VCL: variants seen among roughly 807,000 people sequenced by gnomAD.
VCL encodes the protein epididymis luminal protein 114.
In VCL, 47 loss-of-function variants were observed where a neutral mutation model predicts 125.7. The observed-to-expected ratio is 0.37, with a 90% CI of 0.30 to 0.48. VCL has a LOEUF of 0.48. Among genes scored for constraint, VCL ranks in the 20% least tolerant of loss-of-function variants. The pLI, the probability that VCL is intolerant of heterozygous loss-of-function variation, is 0.99. For missense variants in VCL, 1,069 were observed against 1,455.5 expected (o/e 0.73, Z 4.32); for synonymous variants, 458 against 514.6 (o/e 0.89, Z 1.49).
chr10:74,062,304 A>G (rs974358463), intron 2 of VCL, among the ~76,000 whole-genome samples: 2 of 150,582 alleles, frequency 1.3e-5, no homozygotes, highest in Non-Finnish European at 2.9e-5. Context: ...AGCTCAAGAG[A>G]TCCTCCTGCC....
Position 74,103,803 on chromosome 10 carries a change from T to C in VCL, c.2023-17T>C. ...GCAAGGGTGCTCTGGTGTTTAAAGG[T>C]GTTTTGTCATTGTCAGGTGGTCTCG... On this transcript the variant is annotated splice_polypyrimidine_tract_variant and intron_variant, in intron 14 of 21. Transcript: ENST00000211998. 6.2e-7 allele frequency: 1 copy of C among 1,611,676 alleles called. No homozygotes were observed. Among genetic ancestry groups the C allele is most frequent in the East Asian group, 2.2e-5 (1 of 44,862 alleles).
intron 14 of VCL, 57 bp downstream of exon 14, chr10:74,101,154 A>G: frequency 6.3e-7 from 1 of 1,581,374 alleles, no homozygotes; most frequent in Non-Finnish European, 8.6e-7. Flanking sequence ...ATTACAGAAC[A>G]GTTTCTATAC....
chr10:74,024,838 G>A (rs1840742820), intron 1 of VCL, among the ~76,000 whole-genome samples: 1 of 152,142 alleles, frequency 6.6e-6, no homozygotes, highest in Non-Finnish European at 1.5e-5. Flanking sequence ...CCAGCTTCTG[G>A]GAAGAACCAG....
Position 74,090,149 on chromosome 10 carries a change from C to T in VCL, c.1303C>T (p.Leu435Phe), listed in dbSNP as rs1839856184. The T allele has an allele frequency of 1.2e-6, 2 of 1,614,198 alleles. No homozygotes were observed. Among genetic ancestry groups the T allele is most frequent in the Non-Finnish European group, 1.7e-6 (2 of 1,180,028 alleles). ...AGAAAGAGATGACATTCTACGTTCC[C>T]TTGGGGAAATATCTGCTCTGACTTC... ...PKERDDILRS[L>F]GEISALTSKL... The change falls in exon 10 of 22, where the codon CTT (leucine) becomes TTT (phenylalanine). Residue 435 changes from leucine to phenylalanine, a missense_variant. Transcript: ENST00000211998.
intron 1 of VCL, among the ~76,000 whole-genome samples, chr10:74,020,799 C>T (rs1250045441): frequency 7.4e-6 from 1 of 135,222 alleles, no homozygotes; most frequent in South Asian, 2.3e-4. Context: ...CATGATCGCC[C>T]CACTGCATTC....
chr10:74,045,173 A>T (rs1841174614), intron 2 of VCL, among the ~76,000 whole-genome samples: 1 of 152,126 alleles, frequency 6.6e-6, no homozygotes, highest in Non-Finnish European at 1.5e-5. Context: ...CCTGTATCTA[A>T]AAATAAATAA....
At chr10:74,012,640 G>A (rs186195271) in intron 1 of VCL, among the ~76,000 whole-genome samples, 17 of 152,286 alleles carry the variant, frequency 1.1e-4, no homozygotes, top group African/African-American at 3.9e-4. Flanking sequence ...GCAGCAGATC[G>A]AGACTGGTAT....
intron 21 of VCL, among the ~76,000 whole-genome samples, chr10:74,115,681 A>C (rs545203364): frequency 6.6e-6 from 1 of 152,342 alleles, no homozygotes; most frequent in East Asian, 1.9e-4. Flanking sequence ...GGGAGGATGA[A>C]TAGTGCAGGC....
intron 10 of VCL, among the ~76,000 whole-genome samples, chr10:74,091,631 A>G (rs1839886455): frequency 6.6e-6 from 1 of 151,750 alleles, no homozygotes; most frequent in Non-Finnish European, 1.5e-5. Context: ...TCTACTAAAA[A>G]AAATACAAAA....
At chr10:74,052,629 G>A (rs913859162) in intron 2 of VCL, among the ~76,000 whole-genome samples, 3 of 152,030 alleles carry the variant, frequency 2.0e-5, no homozygotes, top group Non-Finnish European at 4.4e-5. Flanking sequence ...TGCTCACCTT[G>A]GCCTACCAAA....
In VCL at chr10:74,109,175, C is replaced by T. The variant is rs537705277; in HGVS notation, c.2745+19C>T. 1.2e-6 allele frequency: 2 copies of T among 1,613,872 alleles called. No homozygotes were observed. Among genetic ancestry groups the T allele is most frequent in the East Asian group, 4.5e-5 (2 of 44,874 alleles). ...CAGCAAGGTAAGTAGTGAAGCTTTT[C>T]TTGTTGAGAAAGGATGTCTTCTCGG... On this transcript the variant is annotated intron_variant, in intron 18 of 21. Coordinates refer to ENST00000211998, the MANE Select transcript of VCL (RefSeq NM_014000.3).
chr10:74,090,070 T>G lies in VCL; in HGVS notation c.1224T>G (p.Ile408Met). 6.2e-7 allele frequency: 1 copy of G among 1,614,168 alleles called. No individual in the cohort carries two copies. The highest frequency in any genetic ancestry group is 1.1e-5 in the South Asian group (1 of 91,084). ...PNGGPEGEEQ[I>M]RGALAEARKI... ...GTGGACCGGAAGGAGAAGAGCAGATTCGAGGTGCTTTGGCTGAAGCTCGGA... is the reference window on the plus strand; with the variant it reads ...GTGGACCGGAAGGAGAAGAGCAGATGCGAGGTGCTTTGGCTGAAGCTCGGA... Residue 408 changes from isoleucine (I) to methionine (M), a missense_variant, in exon 10 of 22, where the codon ATT (isoleucine) becomes ATG (methionine). Ile to Met is a conservative substitution (Grantham distance 10, BLOSUM62 1). Coordinates refer to ENST00000211998, the MANE Select transcript of VCL (RefSeq NM_014000.3).
intron 17 of VCL, among the ~76,000 whole-genome samples, chr10:74,107,766 T>C (rs1444611241): frequency 1.3e-5 from 2 of 152,116 alleles, no homozygotes; most frequent in African/African-American, 2.4e-5. Context: ...GTTGGTTCTT[T>C]CCTTTATTTG....
intron 8 of VCL, among the ~76,000 whole-genome samples, chr10:74,088,506 A>G (rs1839823408): frequency 6.6e-6 from 1 of 152,176 alleles, no homozygotes; most frequent in Admixed American, 6.5e-5. Flanking sequence ...AATGATGATA[A>G]TTCAGTAATA....
intron 1 of VCL, among the ~76,000 whole-genome samples, chr10:74,008,484 T>C (rs567881451): frequency 2.7e-4 from 41 of 152,350 alleles, no homozygotes; most frequent in African/African-American, 9.6e-4. Flanking sequence ...CTTTTTAAAA[T>C]TTAATGATTT....
Position 74,107,215 on chromosome 10 carries a change from A to G in VCL, c.2435-15A>G, listed in dbSNP as rs764936725. 9.9e-6 allele frequency: 16 copies of G among 1,614,156 alleles called. 1 individual carries two copies. In the South Asian group the frequency reaches 1.4e-4, roughly 14 times the overall value. ...CTGACCCACCCAGCTGAAAGTGAGG[A>G]TGTCTTGTGTTTAGGACTGCAAAAG... On this transcript the variant is annotated splice_polypyrimidine_tract_variant and intron_variant, in intron 16 of 21. Transcript: ENST00000211998.
In VCL at chr10:74,068,993, C is replaced by T. The variant is rs1591685684; in HGVS notation, c.240-1677C>T. ...GTCCTTTAAGCCTGATCAAAAGCCA[C>T]ATCAAACAGGTCTTGCCCTTCACTG... On this transcript the variant is annotated intron_variant, in intron 2 of 21. Coordinates refer to ENST00000211998, the MANE Select transcript of VCL (RefSeq NM_014000.3). 4.0e-5 allele frequency among the ~76,000 whole-genome samples: 6 copies of T among 151,184 alleles called. No homozygotes were observed. In the South Asian group the frequency reaches 1.2e-3, roughly 31 times the overall value.
At chr10:74,083,838 C>T (rs1189054135) in intron 8 of VCL, among the ~76,000 whole-genome samples, 1 of 151,652 alleles carries the variant, frequency 6.6e-6, no homozygotes, top group South Asian at 2.1e-4. Flanking sequence ...ATTATAGGCG[C>T]CCGCCATCAC....
rs146706868 is a variant in VCL, at chr10:74,011,090, G to C, written c.168+12715G>C. Among the ~76,000 whole-genome samples, 809 of 140,122 alleles carry C rather than the reference G, an allele frequency of 5.8e-3. 3 individuals are homozygous for C. The highest frequency in any genetic ancestry group is 0.024 in the Middle Eastern group (6 of 246). The allele number at this position is 140,122 out of a possible 152,430, so 91.9% of individuals were successfully genotyped here. On this transcript the variant is annotated intron_variant, in intron 1 of 21. Transcript: ENST00000211998. ...GGAGGCTGAGGCAGGAGAATCGTTT[G>C]AACCCAGGAGGCAGAGGTTGCAGTT...
Sources: gnomAD v4.1 joint callset for allele counts (sites outside exome capture counted in the v4.1 genomes callset) on GRCh38, gnomAD v4.1.1 for gene constraint, MANE v1.5 for transcripts, NCBI Gene and HGNC (gene_info 2026-07-23, HGNC 2026-07-21) for gene names.